MORN5: variants seen among roughly 807,000 people sequenced by gnomAD.
MORN5 encodes the protein MORN repeat-containing protein 5.
A neutral mutation model predicts 22.1 loss-of-function variants in MORN5; 21 were observed. The ratio of observed to expected loss-of-function variants is 0.95; its 90% CI spans 0.67 to 1.37. The LOEUF (loss-of-function observed/expected upper bound fraction) is 1.37. MORN5 is among the 40% of genes most tolerant of loss of function. The pLI, the probability that MORN5 is intolerant of heterozygous loss-of-function variation, is 0.00. For synonymous variants in MORN5, 73 were observed against 74.0 expected, an observed-to-expected ratio of 0.99 and a Z score of 0.07; for missense variants, 211 against 215.1, an observed-to-expected ratio of 0.98 and a Z score of 0.12.
rs536424980 is a variant in MORN5 at position 122,197,486 on chromosome 9, C to T, written c.440-2399C>T. On this transcript the variant is annotated intron_variant, in intron 4 of 4. Transcript: ENST00000373764. This position sits in a 1 kb window ranked among gnomAD's most constrained non-coding sequence, Gnocchi z 5.7. ...ATGTGCTTCGGCAACCTCACCCTGG[C>T]GTGGCAGGGCCAGGGGAGCCGCAGA... is the stretch of plus-strand genomic sequence containing the variant. 1.3e-4 allele frequency among the ~76,000 whole-genome samples: 20 copies of T among 152,082 alleles called. No individual in the cohort carries two copies. Among genetic ancestry groups the T allele is most frequent in the Non-Finnish European group, 1.9e-4 (13 of 68,026 alleles).
intron 4 of MORN5, among the ~76,000 whole-genome samples, chr9:122,190,236 C>A (rs1829731332): frequency 6.6e-6 from 1 of 152,226 alleles, no homozygotes; most frequent in Non-Finnish European, 1.5e-5. Context: ...CAGCCTTAGG[C>A]CTAACTTTGG....
At chr9:122,162,413 G>A (rs915849948) in intron 1 of MORN5, among the ~76,000 whole-genome samples, 2 of 152,152 alleles carry the variant, frequency 1.3e-5, no homozygotes, top group Non-Finnish European at 2.9e-5. Context: ...CAAATGGTAC[G>A]ACTGCTTTGG....
chr9:122,168,047 T>A (rs1330592782), intron 2 of MORN5, among the ~76,000 whole-genome samples: 1 of 152,236 alleles, frequency 6.6e-6, no homozygotes, highest in East Asian at 1.9e-4. Flanking sequence ...ATCCAAATAA[T>A]CTTCCCACTT....
intron 4 of MORN5, among the ~76,000 whole-genome samples, chr9:122,180,195 T>C (rs574762047): frequency 2.3e-4 from 35 of 152,268 alleles, no homozygotes; most frequent in African/African-American, 7.9e-4. Flanking sequence ...CAGTAAGGAA[T>C]GTTTTACATC....
chr9:122,164,327 CA>C (rs1829245570), intron 1 of MORN5, among the ~76,000 whole-genome samples: 1 of 152,110 alleles, frequency 6.6e-6, no homozygotes, highest in Non-Finnish European at 1.5e-5. Flanking sequence ...GCTCAGAGCT[CA>C]CTGCAGTTGT....
At chr9:122,190,858 G>A (rs973910646) in intron 4 of MORN5, among the ~76,000 whole-genome samples, 4 of 152,276 alleles carry the variant, frequency 2.6e-5, no homozygotes, top group African/African-American at 9.6e-5. Flanking sequence ...CTGTGGCACT[G>A]CCATGGCCCT....
At chr9:122,193,563 G>A (rs1420832461) in intron 4 of MORN5, among the ~76,000 whole-genome samples, 2 of 152,214 alleles carry the variant, frequency 1.3e-5, no homozygotes, top group Non-Finnish European at 2.9e-5. Context: ...CCAGCCTGGC[G>A]ACAGAGCGAG....
intron 4 of MORN5, among the ~76,000 whole-genome samples, chr9:122,193,056 G>A (rs1378532252): frequency 1.3e-5 from 2 of 152,126 alleles, no homozygotes; most frequent in Non-Finnish European, 2.9e-5. Context: ...TTCGGCTCAG[G>A]GAAGGCTAAC....
chr9:122,169,760 C>G lies in MORN5; in HGVS notation c.307+4C>G. Reference sequence around the variant, plus strand: ...CTCAATGGCTTGAAGCCTGCAGGTACCCAGGCACCCACCCTTTCCTTCATA... The same window carrying G: ...CTCAATGGCTTGAAGCCTGCAGGTAGCCAGGCACCCACCCTTTCCTTCATA... On this transcript the variant is annotated splice_donor_region_variant and intron_variant, in intron 3 of 4. Transcript: ENST00000373764. 6.3e-7 allele frequency: 1 copy of G among 1,580,146 alleles called. No homozygotes were observed. Among genetic ancestry groups the G allele is most frequent in the Non-Finnish European group, 8.7e-7 (1 of 1,148,892 alleles).
At chr9:122,190,571 T>G (rs1829740450) in intron 4 of MORN5, among the ~76,000 whole-genome samples, 1 of 152,292 alleles carries the variant, frequency 6.6e-6, no homozygotes, top group South Asian at 2.1e-4. Flanking sequence ...AATCATCTTT[T>G]TCTAAGCCTT....
intron 4 of MORN5, among the ~76,000 whole-genome samples, chr9:122,195,275 C>T (rs1230995483): frequency 2.0e-5 from 3 of 152,190 alleles, no homozygotes; most frequent in African/African-American, 7.2e-5. Flanking sequence ...ATGTACCCCA[C>T]GCTCAATTTC....
At chr9:122,199,801 CA>C (rs1829974183) in intron 4 of MORN5, 83 bp from the exon 5 acceptor site, 1 of 1,377,728 alleles carries the variant, frequency 7.3e-7, no homozygotes, top group Admixed American at 1.7e-5. Context: ...ATCCCAGTCC[CA>C]ACGCCCCACC....
intron 3 of MORN5, among the ~76,000 whole-genome samples, chr9:122,174,062 G>A (rs1376603518): frequency 6.6e-6 from 1 of 152,192 alleles, no homozygotes; most frequent in Non-Finnish European, 1.5e-5. Context: ...TACGTGCTCT[G>A]CTCTACAAGG....
intron 4 of MORN5, among the ~76,000 whole-genome samples, chr9:122,185,645 C>A (rs1829617242): frequency 6.6e-6 from 1 of 152,222 alleles, no homozygotes; most frequent in African/African-American, 2.4e-5. Context: ...CAGGCATGAG[C>A]CACTGCGCCT....
chr9:122,175,040 T>C, intron 4 of MORN5: 1 of 221,102 alleles, frequency 4.5e-6, no homozygotes, highest in Non-Finnish European at 7.6e-6. Flanking sequence ...CTATAAACAG[T>C]TAATTGTATC....
intron 4 of MORN5, among the ~76,000 whole-genome samples, chr9:122,180,410 C>G (rs903705282): frequency 6.6e-6 from 1 of 151,664 alleles, no homozygotes; most frequent in Non-Finnish European, 1.5e-5. Flanking sequence ...GTCAGCCTCC[C>G]GAGTAGCTGG....
intron 2 of MORN5, among the ~76,000 whole-genome samples, chr9:122,167,353 CTTTT>C (rs61672512): frequency 3.8e-4 from 40 of 104,538 alleles, no homozygotes; most frequent in South Asian, 1.4e-3. Context: ...CGCACCTGAC[CTTTT>C]TTTTTTTTTT....
chr9:122,191,046 C>T (rs761511672), intron 4 of MORN5, among the ~76,000 whole-genome samples: 29 of 152,216 alleles, frequency 1.9e-4, no homozygotes, highest in Non-Finnish European at 2.5e-4. Context: ...ATGACAGAAG[C>T]TTCCTTCCTC....
intron 4 of MORN5, among the ~76,000 whole-genome samples, chr9:122,188,692 C>T (rs1564422520): frequency 6.6e-6 from 1 of 152,174 alleles, no homozygotes; most frequent in Admixed American, 6.5e-5. Flanking sequence ...GTTTAGTGAA[C>T]ATGGATTCAA....
Sources: allele counts gnomAD v4.1 joint callset (sites outside exome capture counted in the v4.1 genomes callset), GRCh38; gene constraint gnomAD v4.1.1; non-coding constraint Gnocchi (gnomAD v3.1); transcripts MANE v1.5; gene names NCBI Gene and HGNC (gene_info 2026-07-23, HGNC 2026-07-21).